Variants in RNPEPL1 observed in about 807,000 individuals in gnomAD.
The protein encoded by RNPEPL1 is aminopeptidase RNPEPL1.
RNPEPL1 carries 46 observed loss-of-function variants against 69.0 expected under a neutral mutation model. The observed-to-expected ratio is 0.67, with a 90% CI of 0.53 to 0.85. The LOEUF is 0.85. RNPEPL1 is among the 40% of genes least tolerant of loss of function. The pLI, the probability that RNPEPL1 is intolerant of heterozygous loss-of-function variation, is 0.00. For missense variants in RNPEPL1, 869 were observed against 992.5 expected, an observed-to-expected ratio of 0.88 and a Z score of 1.67; for synonymous variants, 525 against 454.1, an observed-to-expected ratio of 1.16 and a Z score of -1.98.
intron 4 of RNPEPL1, 72 bp from the exon 5 acceptor site, chr2:240,574,041 G>A: frequency 6.9e-7 from 1 of 1,455,226 alleles, no homozygotes; most frequent in African/African-American, 1.4e-5. Context: ...CTGGGTGGAA[G>A]GTGGGGTGCG....
chr2:240,569,161 C>T, intron 1 of RNPEPL1, 47 bp downstream of exon 1: 1 of 1,380,194 alleles, frequency 7.2e-7, no homozygotes, highest in Non-Finnish European at 9.3e-7. Context: ...CCGCAGGGCG[C>T]TGCTAGCGGC....
rs1044214310 is a variant in RNPEPL1, at chr2:240,580,075, G to C, written c.*2183G>C. ...GGCACCCTCACCACAATCTGTCTTG[G>C]CTCTGTGCCCGCCCGTGGGGTACAC... On this transcript the variant is annotated 3_prime_UTR_variant, in exon 11 of 11. Transcript: ENST00000270357. The C allele has an allele frequency of 3.9e-5, 6 of 152,278 alleles. No individual in the cohort carries two copies. The highest frequency in any genetic ancestry group is 3.1e-3 in the Middle Eastern group (1 of 318). The allele number at this position is 152,278 out of a possible 1,614,324, so 9.4% of individuals were successfully genotyped here.
intron 6 of RNPEPL1, 75 bp downstream of exon 6, chr2:240,574,703 G>A (rs934738011): frequency 6.4e-6 from 8 of 1,258,230 alleles, no homozygotes; most frequent in South Asian, 2.6e-5. Context: ...CCCTTCGTGT[G>A]TTCTGGCTGT....
Position 240,579,011 on chromosome 2 carries a change from T to C in RNPEPL1, c.*1119T>C, listed in dbSNP as rs2093046338. 1.3e-5 allele frequency: 2 copies of C among 152,282 alleles called. No homozygotes were observed. The highest frequency in any genetic ancestry group is 1.3e-4 in the Admixed American group (2 of 15,294). 9.4% of individuals were successfully genotyped at this position (152,282 alleles called of 1,614,324 possible). ...AGCCAAATCCCGGCCTCAGTGGTGA[T>C]CCTTTCCCAAGATGGGTACAAGGTG... On this transcript the variant is annotated 3_prime_UTR_variant, in exon 11 of 11. Transcript: ENST00000270357.
At chr2:240,571,957 C>T (rs531980885) in intron 1 of RNPEPL1, among the ~76,000 whole-genome samples, 4 of 152,244 alleles carry the variant, frequency 2.6e-5, no homozygotes, top group African/African-American at 7.2e-5. Context: ...CCTGCTAGTG[C>T]GTAGCCATCA....
chr2:240,574,548 G>T lies in RNPEPL1; in HGVS notation c.1208G>T (p.Arg403Leu), dbSNP rs369830007. ...TTCACCTGCCTGGAGACTGCCTTCCGCCTGGACGCCCTGCACCGGCAGATG... is the reference window on the plus strand; with the variant it reads ...TTCACCTGCCTGGAGACTGCCTTCCTCCTGGACGCCCTGCACCGGCAGATG... The part of the protein sequence containing the change: ...AAFTCLETAF[R>L]LDALHRQMKL... The change falls in exon 6 of 11, where the codon CGC becomes CTC. Residue 403 changes from arginine to leucine, a missense_variant. Transcript: ENST00000270357. 1 of 1,612,532 alleles carries T rather than the reference G, an allele frequency of 6.2e-7. No individual in the cohort carries two copies. The highest frequency in any genetic ancestry group is 1.3e-5 in the African/African-American group (1 of 74,872).
chr2:240,570,188 C>T (rs978583995), intron 1 of RNPEPL1, among the ~76,000 whole-genome samples: 3 of 152,230 alleles, frequency 2.0e-5, no homozygotes, highest in African/African-American at 7.2e-5. Context: ...GTTTGGAGCC[C>T]ACGTGTCTGG....
Position 240,576,702 on chromosome 2 carries a change from TGGA to T in RNPEPL1, c.1682_1684del (p.Arg561del), listed in dbSNP as rs1356047625. Reference sequence around the variant, plus strand: ...GGCCAGCGCCATTGACATCTCCAAGTGGAGGACCTTCCAGACAGCACTCTTCCT... The same window carrying T: ...GGCCAGCGCCATTGACATCTCCAAGTGGACCTTCCAGACAGCACTCTTCCT... On this transcript the variant is annotated inframe_deletion, in exon 9 of 11. Transcript: ENST00000270357. 6.2e-7 allele frequency: 1 copy of T among 1,612,980 alleles called. No homozygotes were observed. Among genetic ancestry groups the T allele is most frequent in the Admixed American group, 1.7e-5 (1 of 60,034 alleles).
rs185849548 is a variant in RNPEPL1 at position 240,575,992 on chromosome 2, G to C, written c.1510+382G>C. 6.7e-5 allele frequency: 19 copies of C among 285,468 alleles called. No homozygotes were observed. The Admixed American group carries it at 7.7e-4, about 12-fold the overall frequency. The allele number at this position is 285,468 out of a possible 1,614,324, so 17.7% of individuals were successfully genotyped here. A position where few individuals can be genotyped will look rare whatever the true frequency, so the allele number is the denominator to read the frequency against. On this transcript the variant is annotated intron_variant, in intron 8 of 10. Transcript: ENST00000270357. ...GTGTCCCTGAGGGTCTGAGGGCTTG[G>C]GGCCCAGGAAGGCACTGCAGGGTTC...
chr2:240,572,012 T>C (rs1050335935), intron 1 of RNPEPL1, among the ~76,000 whole-genome samples: 2 of 152,246 alleles, frequency 1.3e-5, no homozygotes, highest in Admixed American at 6.5e-5. Flanking sequence ...CTCCTTTTCC[T>C]GACCATGACC....
Position 240,574,128 on chromosome 2 carries a change from C to T in RNPEPL1, c.954C>T (p.Phe318=). ...PYMWGRYDIV[F]LPPSFPIVAM... ...CCCGGTGCAGGTACGACATTGTCTT[C>T]CTGCCACCCTCCTTCCCCATCGTGG... Residue 318 remains phenylalanine, a synonymous_variant, in exon 5 of 11, where the codon TTC becomes TTT. Coordinates refer to ENST00000270357, the MANE Select transcript of RNPEPL1 (RefSeq NM_018226.6). The T allele has an allele frequency of 1.9e-6, 3 of 1,613,084 alleles. No individual in the cohort carries two copies. The highest frequency in any genetic ancestry group is 1.3e-5 in the African/African-American group (1 of 75,010).
chr2:240,568,539 C>A lies in RNPEPL1; in HGVS notation c.-48C>A, dbSNP rs1406887947. ...GCCGCCGCCCGGCGCCCCTCGCCCG[C>A]GGCCCGGCGCGGCCGCCGCCCATGG... On this transcript the variant is annotated 5_prime_UTR_variant, in exon 1 of 11. Transcript: ENST00000270357. This position sits in a 1 kb window ranked among gnomAD's most constrained non-coding sequence, Gnocchi z 6.2. The A allele has an allele frequency of 4.4e-6, 4 of 902,690 alleles. No homozygotes were observed. Among genetic ancestry groups the A allele is most frequent in the Non-Finnish European group, 5.3e-6 (4 of 758,524 alleles). The allele number at this position is 902,690 out of a possible 1,614,324, so 55.9% of individuals were successfully genotyped here.
At chr2:240,577,358 C>G (rs1323905365) in intron 10 of RNPEPL1, among the ~76,000 whole-genome samples, 1 of 152,222 alleles carries the variant, frequency 6.6e-6, no homozygotes, top group Non-Finnish European at 1.5e-5. Context: ...CTGCCCTGCT[C>G]CCTGTATGTG....
Position 240,576,766 on chromosome 2 carries a change from G to A in RNPEPL1, c.1741+1G>A. 6.2e-7 allele frequency: 1 copy of A among 1,612,796 alleles called. No homozygotes were observed. Among genetic ancestry groups the A allele is most frequent in the East Asian group, 2.2e-5 (1 of 44,876 alleles). ...CTGGATGGGTCCCCGCTGCCGCAGGGTGAGTCCCTGCAGCTGATGGGGGCG... is the reference window on the plus strand; with the variant it reads ...CTGGATGGGTCCCCGCTGCCGCAGGATGAGTCCCTGCAGCTGATGGGGGCG... On this transcript the variant is annotated splice_donor_variant, in intron 9 of 10. Transcript: ENST00000270357. LOFTEE classifies it high-confidence loss of function.
chr2:240,577,696 T>C lies in RNPEPL1; in HGVS notation c.1982T>C (p.Leu661Pro). The change falls in exon 11 of 11, where the codon CTG (leucine) becomes CCG (proline). Residue 661 changes from leucine (L) to proline (P), a missense_variant. Physicochemically the swap from Leu to Pro is moderately conservative, Grantham distance 98 (BLOSUM62 -3). Coordinates refer to ENST00000270357, the MANE Select transcript of RNPEPL1 (RefSeq NM_018226.6). ...GTCTTCTACCAGACGCAGGGCCGGC[T>C]GCACCCCAACCTGCGCAGAGCCATC... ...LEVFYQTQGR[L>P]HPNLRRAIQQ... is the part of the protein sequence containing the mutation. The C allele has an allele frequency of 6.2e-7, 1 of 1,612,734 alleles. No individual in the cohort carries two copies. The highest frequency in any genetic ancestry group is 8.5e-7 in the Non-Finnish European group (1 of 1,179,744).
chr2:240,573,656 G>A, intron 3 of RNPEPL1, 119 bp from the exon 4 acceptor site: 1 of 835,058 alleles, frequency 1.2e-6, no homozygotes, highest in Non-Finnish European at 1.8e-6. Flanking sequence ...AGGCTGGGGT[G>A]GTCAGCCAGG....
At chr2:240,569,231 C>G in intron 1 of RNPEPL1, 117 bp downstream of exon 1, 1 of 1,130,694 alleles carries the variant, frequency 8.8e-7, no homozygotes, top group South Asian at 1.9e-5. Flanking sequence ...GCCCCCCTCC[C>G]CCCACCCCGG....
In RNPEPL1 at chr2:240,574,344, C is replaced by T. The variant is rs1038951003; in HGVS notation, c.1170C>T (p.Thr390=). Residue 390 remains threonine (T), a synonymous_variant, in exon 5 of 11, where the codon ACC becomes ACT. Transcript: ENST00000270357. ...CCCAGCGCCGTATCACCACCGAGAC[C>T]TACGGTGCGGCCAGGGCCGGGGAGG... is the stretch of plus-strand genomic sequence containing the variant. The part of the protein sequence containing the change: ...TYAQRRITTE[T]YGAAFTCLET... 4 of 1,598,448 alleles carry T rather than the reference C, an allele frequency of 2.5e-6. No individual in the cohort carries two copies. Among genetic ancestry groups the T allele is most frequent in the Middle Eastern group, 1.7e-4 (1 of 6,048 alleles).
Position 240,574,290 on chromosome 2 carries a change from G to A in RNPEPL1, c.1116G>A (p.Met372Ile). The A allele has an allele frequency of 6.2e-7, 1 of 1,609,258 alleles. No individual in the cohort carries two copies. Among genetic ancestry groups the A allele is most frequent in the Non-Finnish European group, 8.5e-7 (1 of 1,179,898 alleles). The change falls in exon 5 of 11, where the codon ATG becomes ATA. Residue 372 changes from methionine to isoleucine, a missense_variant. Met to Ile is a conservative substitution (Grantham distance 10). Around this residue, in one of 2 missense-constraint regions of RNPEPL1, gnomAD observed 610 missense variants for 790.9 expected, o/e 0.77. Transcript: ENST00000270357. ...TCACCAACGCCACGTGGGAAGAGAT[G>A]TGGCTGAGCGAGGGCCTGGCCACCT... ...NAVTNATWEE[M>I]WLSEGLATYA...
Sources: gnomAD v4.1 joint callset for allele counts (sites outside exome capture counted in the v4.1 genomes callset) on GRCh38, gnomAD v4.1.1 for gene constraint, gnomAD v4.1.1 regional missense constraint, Gnocchi (gnomAD v3.1) non-coding constraint, MANE v1.5 for transcripts, NCBI Gene and HGNC (gene_info 2026-07-23, HGNC 2026-07-21) for gene names.